SLC27A6: variants seen among roughly 807,000 people sequenced by gnomAD.
SLC27A6 encodes the protein long-chain fatty acid transport protein 6.
A neutral mutation model predicts 63.9 loss-of-function variants in SLC27A6; 74 were observed. That is an observed-to-expected ratio of 1.16 (90% CI 0.96 to 1.40). SLC27A6 has a LOEUF of 1.40. Ranked by LOEUF, SLC27A6 falls within the 40% of genes most tolerant of loss-of-function variation. SLC27A6 has a pLI of 0.00. For missense variants in SLC27A6, 794 were observed against 732.9 expected (o/e 1.08, Z -0.96); for synonymous variants, 287 against 260.8 (o/e 1.10, Z -0.97).
intron 1 of SLC27A6, among the ~76,000 whole-genome samples, chr5:128,973,435 G>A (rs1364139354): frequency 2.0e-5 from 3 of 152,190 alleles, no homozygotes; most frequent in Non-Finnish European, 2.9e-5. Context: ...CACCCAGTTC[G>A]ATCTTCCGCA....
intron 4 of SLC27A6, among the ~76,000 whole-genome samples, chr5:128,991,699 A>T (rs996535355): frequency 2.6e-5 from 4 of 151,920 alleles, no homozygotes; most frequent in African/African-American, 9.7e-5. Context: ...ATATTAGGAT[A>T]TCTTTTTGTT....
At chr5:129,028,206 G>A (rs565054710) in intron 7 of SLC27A6, 139 bp from the exon 8 acceptor site, 2 of 586,446 alleles carry the variant, frequency 3.4e-6, no homozygotes, top group East Asian at 6.3e-5. Context: ...TCTTAGAAAT[G>A]CCTTTCATCT....
chr5:128,989,706 C>T (rs11742560), intron 3 of SLC27A6, among the ~76,000 whole-genome samples: 39,102 of 151,836 alleles, frequency 0.26, 5,498 homozygotes, highest in Non-Finnish European at 0.31. Context: ...AGGTGGATCA[C>T]GAGGTCAGGA....
chr5:128,981,666 C>T (rs1041988071), intron 1 of SLC27A6, among the ~76,000 whole-genome samples: 1 of 152,106 alleles, frequency 6.6e-6, no homozygotes, highest in African/African-American at 2.4e-5. Context: ...TATAATTCTA[C>T]AGGTATCAAT....
chr5:129,025,910 A>C (rs1035936048), intron 6 of SLC27A6, among the ~76,000 whole-genome samples: 3 of 152,086 alleles, frequency 2.0e-5, no homozygotes, highest in Non-Finnish European at 4.4e-5. Context: ...CTGAGGTGGG[A>C]GGATGGCTTA....
At chr5:129,026,371 G>A (rs1353730910) in intron 6 of SLC27A6, among the ~76,000 whole-genome samples, 1 of 152,040 alleles carries the variant, frequency 6.6e-6, no homozygotes, top group Non-Finnish European at 1.5e-5. Context: ...AAGTTTGATT[G>A]GAAAATTATT....
chr5:129,013,388 C>T (rs1392798965), intron 4 of SLC27A6, among the ~76,000 whole-genome samples: 1 of 151,810 alleles, frequency 6.6e-6, no homozygotes, highest in Non-Finnish European at 1.5e-5. Context: ...CATGTTTTTC[C>T]TTTAGTTTTG....
At chr5:128,981,493 GA>G (rs202204439) in intron 1 of SLC27A6, among the ~76,000 whole-genome samples, 1 of 148,394 alleles carries the variant, frequency 6.7e-6, no homozygotes, top group South Asian at 2.1e-4. Context: ...AAAAAAAAAA[GA>G]AAAAAAAATC....
At chr5:128,989,922 TC>T (rs1750918391) in intron 3 of SLC27A6, among the ~76,000 whole-genome samples, 1 of 84,808 alleles carries the variant, frequency 1.2e-5, no homozygotes, top group Non-Finnish European at 2.5e-5. Context: ...AGACTCCGTC[TC>T]AAAAAAAAAA....
intron 1 of SLC27A6, among the ~76,000 whole-genome samples, chr5:128,973,588 G>T (rs1750269537): frequency 6.6e-6 from 1 of 152,214 alleles, no homozygotes. Context: ...CCAGGCACGG[G>T]ATATAGTTTC....
intron 3 of SLC27A6, among the ~76,000 whole-genome samples, chr5:128,989,168 T>C (rs1449940423): frequency 6.6e-6 from 1 of 152,198 alleles, no homozygotes; most frequent in African/African-American, 2.4e-5. Flanking sequence ...AAGTAAGTCA[T>C]GGGCCAGCCT....
chr5:128,986,583 A>G (rs1750795150), intron 2 of SLC27A6, among the ~76,000 whole-genome samples: 1 of 152,160 alleles, frequency 6.6e-6, no homozygotes. Context: ...ATTTTTTTTT[A>G]CATGATTAGA....
intron 5 of SLC27A6, among the ~76,000 whole-genome samples, chr5:129,020,729 A>C (rs1752047063): frequency 6.6e-6 from 1 of 152,154 alleles, no homozygotes. Flanking sequence ...CAGTCCCCAC[A>C]AGACCACTCC....
At chr5:128,986,238 C>G (rs1234229854) in intron 2 of SLC27A6, among the ~76,000 whole-genome samples, 2 of 152,146 alleles carry the variant, frequency 1.3e-5, no homozygotes, top group Non-Finnish European at 2.9e-5. Context: ...CATTCTATCC[C>G]AGAAGTTCGG....
chr5:128,996,317 CCCCTTT>C (rs1414552089), intron 4 of SLC27A6, among the ~76,000 whole-genome samples: 1 of 139,842 alleles, frequency 7.2e-6, no homozygotes, highest in Non-Finnish European at 1.5e-5. Context: ...AAAATTATAT[CCCCTTT>C]CCTTATTTTG....
At chr5:129,006,071 G>GTTTTTTTTTTTTGT (rs1751514544) in intron 4 of SLC27A6, among the ~76,000 whole-genome samples, 2 of 60,144 alleles carry the variant, frequency 3.3e-5, no homozygotes, top group Admixed American at 5.4e-4. Flanking sequence ...TGTGCACACT[G>GTTTTTTTTTTTTGT]TTTTTTTTTT....
At chr5:128,973,255 G>A (rs1447790125) in intron 1 of SLC27A6, among the ~76,000 whole-genome samples, 6 of 152,152 alleles carry the variant, frequency 3.9e-5, no homozygotes, top group Admixed American at 1.3e-4. Flanking sequence ...GCAGTCTGTC[G>A]GTTCTCAGAT....
chr5:128,972,062 G>C (rs941773861), intron 1 of SLC27A6, among the ~76,000 whole-genome samples: 4 of 152,062 alleles, frequency 2.6e-5, no homozygotes, highest in Non-Finnish European at 5.9e-5. Flanking sequence ...GTTGAAAATT[G>C]TTTTCTTTAA....
intron 1 of SLC27A6, among the ~76,000 whole-genome samples, chr5:128,978,025 A>G (rs916627612): frequency 2.6e-5 from 4 of 152,242 alleles, no homozygotes; most frequent in African/African-American, 9.6e-5. Flanking sequence ...TTAATTTTCA[A>G]TAAGTTTCCC....
Sources: gnomAD v4.1 joint callset for allele counts (sites outside exome capture counted in the v4.1 genomes callset) on GRCh38, gnomAD v4.1.1 for gene constraint, MANE v1.5 for transcripts, NCBI Gene and HGNC (gene_info 2026-07-23, HGNC 2026-07-21) for gene names.